The following PPP4R3A variants were observed in gnomAD, a reference collection of about 807,000 sequenced individuals.
PPP4R3A encodes serine/threonine-protein phosphatase 4 regulatory subunit 3A.
In PPP4R3A, 15 loss-of-function variants were observed where a neutral mutation model predicts 91.7. The observed-to-expected ratio is 0.16, with a 90% CI of 0.11 to 0.25. The LOEUF is 0.25. PPP4R3A is among the 10% of genes least tolerant of loss of function. The probability of loss-of-function intolerance (pLI) is 1.00; values close to 1 mark genes in which losing one functional copy is unlikely to be tolerated. For missense variants in PPP4R3A, 623 were observed against 998.4 expected, an observed-to-expected ratio of 0.62 and a Z score of 5.07; for synonymous variants, 377 against 348.7, an observed-to-expected ratio of 1.08 and a Z score of -0.91.
chr14:91,493,616 C>T (rs1383807803), intron 1 of PPP4R3A, among the ~76,000 whole-genome samples: 5 of 138,710 alleles, frequency 3.6e-5, no homozygotes, highest in African/African-American at 1.2e-4. Context: ...GGTGAGACCC[C>T]ATACTATATA....
At position 91,509,719 on chromosome 14, in the gene PPP4R3A, G is replaced by T. The variant is rs374514084; in HGVS notation, c.-72C>A. The T allele has an allele frequency of 9.5e-6, 14 of 1,472,562 alleles. No individual in the cohort carries two copies. The highest frequency in any genetic ancestry group is 1.2e-5 in the Non-Finnish European group (13 of 1,119,478). The allele number at this position is 1,472,562 out of a possible 1,614,324, so 91.2% of individuals were successfully genotyped here. A position where few individuals can be genotyped will look rare whatever the true frequency, so the allele number is the denominator to read the frequency against. On this transcript the variant is annotated 5_prime_UTR_variant, in exon 1 of 15. Coordinates refer to ENST00000554943, the MANE Select transcript of PPP4R3A (RefSeq NM_001366432.2). ...GGAAAGGGGCCCTGGAGAGGCGAGG[G>T]GCGAGGCGTGAGGGCGCCCGCGAGC...
At position 91,458,664 on chromosome 14, in the gene PPP4R3A, C is replaced by T. The variant is rs761454539; in HGVS notation, c.*95G>A. The T allele has an allele frequency of 2.5e-6, 4 of 1,576,614 alleles. No individual in the cohort carries two copies. Among genetic ancestry groups the T allele is most frequent in the Non-Finnish European group, 3.5e-6 (4 of 1,146,794 alleles). On this transcript the variant is annotated 3_prime_UTR_variant, in exon 15 of 15. Transcript: ENST00000554943. ...GAGGCTGATCTGTGTCAGTCATTCA[C>T]AAGAGACCACTGCGCTTTGTTGTGG...
At chr14:91,476,831 C>T in intron 5 of PPP4R3A, 78 bp downstream of exon 5, 1 of 1,264,686 alleles carries the variant, frequency 7.9e-7, no homozygotes. Context: ...TCCCAAAGTG[C>T]TGGGATTTAC....
intron 1 of PPP4R3A, among the ~76,000 whole-genome samples, chr14:91,505,918 T>C (rs574083216): frequency 6.6e-6 from 1 of 152,082 alleles, no homozygotes; most frequent in South Asian, 2.1e-4. Flanking sequence ...AAAACATCCA[T>C]GTAAAGCTTG....
chr14:91,462,074 T>C lies in PPP4R3A; in HGVS notation c.2139A>G (p.Ile713Met), dbSNP rs1567144421. ...TKNDDDIMDP[I>M]SKFMERKKLK... ...ATTTCTTCCTTTCCATGAATTTACT[T>C]ATTGGATCCATAATATCATCATCAT... The change falls in exon 13 of 15, where the codon ATA becomes ATG. Residue 713 changes from isoleucine (I) to methionine (M), a missense_variant. By Grantham distance (10) the Ile-to-Met change is conservative. This residue lies in a region of PPP4R3A where 201 missense variants were observed against 229.9 expected (regional missense o/e 0.87). Coordinates refer to ENST00000554943, the MANE Select transcript of PPP4R3A (RefSeq NM_001366432.2). 1 of 1,529,748 alleles carries C rather than the reference T, an allele frequency of 6.5e-7. No homozygotes were observed. 94.8% of individuals were successfully genotyped at this position (1,529,748 alleles called of 1,614,324 possible).
chr14:91,507,371 A>AGT (rs774468567), intron 1 of PPP4R3A, among the ~76,000 whole-genome samples: 1 of 74,412 alleles, frequency 1.3e-5, no homozygotes, highest in Admixed American at 1.8e-4. Flanking sequence ...TATATACTAT[A>AGT]ATTATATATA....
intron 3 of PPP4R3A, 43 bp from the exon 4 acceptor site, chr14:91,482,236 G>A (rs1248836951): frequency 6.5e-7 from 1 of 1,534,858 alleles, no homozygotes; most frequent in African/African-American, 1.4e-5. Context: ...GATAACAGGT[G>A]ACCAGCAAAC....
rs1595073380 is a variant in PPP4R3A, at chr14:91,487,027, A to G, written c.199-1297T>C. ...TTTGGGAGGCCAAGGCAGGCGGATC[A>G]CCTGAGGTCAGGAGTTCAAGACCAG... On this transcript the variant is annotated intron_variant, in intron 2 of 14. Coordinates refer to ENST00000554943, the MANE Select transcript of PPP4R3A (RefSeq NM_001366432.2). Among the ~76,000 whole-genome samples the G allele has an allele frequency of 2.0e-5, 3 of 151,806 alleles. No individual in the cohort carries two copies. The South Asian group carries it at 6.2e-4, about 31-fold the overall frequency.
chr14:91,482,302 ATTT>A, intron 3 of PPP4R3A, 109 bp from the exon 4 acceptor site: 4 of 1,177,610 alleles, frequency 3.4e-6, no homozygotes, highest in Non-Finnish European at 4.6e-6. Flanking sequence ...TATAATGGTC[ATTT>A]TCAAGACAAA....
intron 14 of PPP4R3A, among the ~76,000 whole-genome samples, chr14:91,460,898 C>T (rs774819419): frequency 5.3e-5 from 8 of 152,144 alleles, no homozygotes; most frequent in Non-Finnish European, 7.3e-5. Context: ...GGATTACAGG[C>T]GTGAGCCACC....
intron 1 of PPP4R3A, among the ~76,000 whole-genome samples, chr14:91,509,271 G>T (rs1020580426): frequency 2.0e-5 from 3 of 152,180 alleles, no homozygotes; most frequent in African/African-American, 7.2e-5. Flanking sequence ...AAACACGCTT[G>T]GCTCTCCTCG....
chr14:91,495,691 TA>T (rs35448139), intron 1 of PPP4R3A, among the ~76,000 whole-genome samples: 10,862 of 150,622 alleles, frequency 0.072, 482 homozygotes, highest in Middle Eastern at 0.19. Context: ...TAAATACTGT[TA>T]AAAAAAAAAC....
intron 1 of PPP4R3A, among the ~76,000 whole-genome samples, chr14:91,505,945 G>T (rs1891266227): frequency 7.3e-6 from 1 of 137,016 alleles, no homozygotes; most frequent in South Asian, 2.5e-4. Flanking sequence ...AACTATAATT[G>T]AAATTTTTTT....
At chr14:91,461,638 C>T (rs1407974062) in intron 13 of PPP4R3A, 31 bp from the exon 14 acceptor site, 2 of 1,585,296 alleles carry the variant, frequency 1.3e-6, no homozygotes, top group East Asian at 2.2e-5. Flanking sequence ...AATAGTCGTC[C>T]CCCATACTTC....
intron 10 of PPP4R3A, among the ~76,000 whole-genome samples, chr14:91,468,667 C>CAAAAAAAAAAA (rs766250846): frequency 6.7e-5 from 3 of 45,036 alleles, no homozygotes; most frequent in Admixed American, 4.7e-4. Context: ...GACTCCGTCT[C>CAAAAAAAAAAA]AAAAAAAAAA....
rs1887912200 is a variant in PPP4R3A at position 91,458,584 on chromosome 14, A to G, written c.*175T>C. ...TAAGTCTTTCCCCTAAATATATGATATCCCCTCCTCCTGCTCCATTGAATT... is the reference window on the plus strand; with the variant it reads ...TAAGTCTTTCCCCTAAATATATGATGTCCCCTCCTCCTGCTCCATTGAATT... On this transcript the variant is annotated 3_prime_UTR_variant, in exon 15 of 15. Transcript: ENST00000554943. 1.1e-6 allele frequency: 1 copy of G among 881,730 alleles called. No individual in the cohort carries two copies. The highest frequency in any genetic ancestry group is 1.9e-6 in the Non-Finnish European group (1 of 528,648). The allele number at this position is 881,730 out of a possible 1,614,324, so 54.6% of individuals were successfully genotyped here.
At chr14:91,493,157 G>C (rs183773918) in intron 1 of PPP4R3A, among the ~76,000 whole-genome samples, 3 of 152,176 alleles carry the variant, frequency 2.0e-5, no homozygotes, top group Non-Finnish European at 2.9e-5. Context: ...GGAAGGCTGA[G>C]GTGGGCAGAT....
At position 91,481,913 on chromosome 14, in the gene PPP4R3A, T is replaced by C. The variant is rs373332248; in HGVS notation, c.578A>G (p.Tyr193Cys). The C allele has an allele frequency of 6.2e-7, 1 of 1,614,038 alleles. No individual in the cohort carries two copies. The highest frequency in any genetic ancestry group is 8.5e-7 in the Non-Finnish European group (1 of 1,180,000). ...LENIEGLHHL[Y>C]EIIKGIFLLN... ...GAGAAAGATGCCTTTGATAATTTCA[T>C]ACAAGTGGTGCAGTCCTTCAATATT... Residue 193 changes from tyrosine to cysteine, a missense_variant, in exon 4 of 15, where the codon TAT becomes TGT. Physicochemically the swap from Tyr to Cys is radical, Grantham distance 194. Transcript: ENST00000554943.
chr14:91,490,901 T>A (rs1595077794), intron 1 of PPP4R3A, 99 bp from the exon 2 acceptor site: 7 of 103,974 alleles, frequency 6.7e-5, no homozygotes, highest in South Asian at 5.1e-4. Flanking sequence ...ATAATAATAA[T>A]TTTTTTTTTT....
Sources: allele counts gnomAD v4.1 joint callset (sites outside exome capture counted in the v4.1 genomes callset), GRCh38; gene constraint gnomAD v4.1.1; regional missense constraint gnomAD v4.1.1; transcripts MANE v1.5; gene names NCBI Gene and HGNC (gene_info 2026-07-23, HGNC 2026-07-21).